ZNF469: variants seen among roughly 807,000 people sequenced by gnomAD.
ZNF469 encodes zinc finger protein 469.
Under a neutral mutation model 1.0 loss-of-function variants are expected in ZNF469, and 1 was observed. The observed-to-expected ratio is 1.00, with a 90% confidence interval of 0.35 to 4.73. ZNF469 has a LOEUF of 4.73. ZNF469 is among the 30% of genes most tolerant of loss of function. The pLI, the probability that ZNF469 is intolerant of heterozygous loss-of-function variation, is 0.16. For missense variants in ZNF469, 6,100 were observed against 5,356.3 expected (o/e 1.14, Z -4.33); for synonymous variants, 2,703 against 2,363.4 (o/e 1.14, Z -4.17).
At chr16:88,317,932 G>A in the ZNF469 span, among the ~76,000 whole-genome samples, 1 of 152,232 alleles carries the variant, frequency 6.6e-6, no homozygotes, top group Non-Finnish European at 1.5e-5. Context: ...AGGTCTTGAG[G>A]GTGATGGTGG....
the ZNF469 span, among the ~76,000 whole-genome samples, chr16:88,247,279 AAATGAGTGAGCGAGTG>A: frequency 2.8e-5 from 4 of 141,748 alleles, no homozygotes; most frequent in African/African-American, 8.2e-5. Context: ...GTGAGTGAGT[AAATGAGTGAGCGAGTG>A]AATGAGTGAG....
chr16:88,185,155 T>C, the ZNF469 span, among the ~76,000 whole-genome samples: 1 of 36,096 alleles, frequency 2.8e-5, no homozygotes, highest in Non-Finnish European at 9.4e-5. Flanking sequence ...ACACTCACAC[T>C]CACAGGCACA....
the ZNF469 span, among the ~76,000 whole-genome samples, chr16:88,154,843 G>A: frequency 6.6e-6 from 1 of 152,184 alleles, no homozygotes; most frequent in South Asian, 2.1e-4. Flanking sequence ...TTAAGCCTGG[G>A]TCTTCTCGCT....
the ZNF469 span, among the ~76,000 whole-genome samples, chr16:88,214,080 C>T: frequency 6.6e-6 from 1 of 152,176 alleles, no homozygotes; most frequent in South Asian, 2.1e-4. Flanking sequence ...GAAGTCACAA[C>T]CCCTGTCCTC....
the ZNF469 span, among the ~76,000 whole-genome samples, chr16:88,201,331 G>A: frequency 6.6e-6 from 1 of 152,182 alleles, no homozygotes; most frequent in Non-Finnish European, 1.5e-5. The surrounding 1 kb of genome is among the most constrained non-coding windows in gnomAD (Gnocchi z 5.0). Context: ...AAGGCAGGTG[G>A]ATCACCTGAG....
chr16:88,139,368 A>G, the ZNF469 span, among the ~76,000 whole-genome samples: 1 of 151,444 alleles, frequency 6.6e-6, no homozygotes, highest in African/African-American at 2.4e-5. Context: ...AATTGCTGTG[A>G]AAAGTGGATC....
At chr16:88,243,932 AT>A in the ZNF469 span, among the ~76,000 whole-genome samples, 15 of 103,954 alleles carry the variant, frequency 1.4e-4, 1 homozygote, top group Non-Finnish European at 2.7e-4. Context: ...ATATATATAT[AT>A]ATATATATAT....
At chr16:88,127,595 T>C in the ZNF469 span, among the ~76,000 whole-genome samples, 1 of 152,146 alleles carries the variant, frequency 6.6e-6, no homozygotes, top group Non-Finnish European at 1.5e-5. Flanking sequence ...AACCATTTGT[T>C]GAGAGTGGAA....
chr16:88,431,239 G>A lies in ZNF469; in HGVS notation c.3769G>A (p.Gly1257Arg), dbSNP rs1376366602. The part of the protein sequence containing the change: ...SPPAACAGEM[G>R]ASPGLLIPEQ... ...TCCAGCCGCCTGTGCGGGAGAAATG[G>A]GAGCAAGCCCCGGTCTCCTGATACC... The change falls in exon 3 of 3, where the codon GGA becomes AGA. Residue 1257 changes from glycine to arginine, a missense_variant. Coordinates refer to ENST00000565624, the MANE Select transcript of ZNF469 (RefSeq NM_001367624.2). 1 of 1,550,398 alleles carries A rather than the reference G, an allele frequency of 6.4e-7. No homozygotes were observed.
the ZNF469 span, among the ~76,000 whole-genome samples, chr16:88,181,457 A>T: frequency 1.3e-5 from 2 of 152,256 alleles, no homozygotes; most frequent in Non-Finnish European, 2.9e-5. Context: ...AACAAATTTT[A>T]AAAAGTGAAG....
At chr16:88,336,741 C>T in the ZNF469 span, among the ~76,000 whole-genome samples, 1 of 152,282 alleles carries the variant, frequency 6.6e-6, no homozygotes, top group Admixed American at 6.5e-5. Flanking sequence ...CAGACTCATC[C>T]TTCACATGTG....
chr16:88,436,265 C>G lies in ZNF469; in HGVS notation c.8795C>G (p.Ala2932Gly). The change falls in exon 3 of 3, where the codon GCA (alanine) becomes GGA (glycine). Residue 2932 changes from alanine to glycine, a missense_variant. Ala to Gly is a moderately conservative substitution (Grantham distance 60). Transcript: ENST00000565624. ...GACCCGTGGGAGGACGAGGATCCCG[C>G]AGGTCTGCCCGAGTCCTTCCTCCTG... is the stretch of plus-strand genomic sequence containing the variant. ...HEDPWEDEDP[A>G]GLPESFLLDG... 6.5e-7 allele frequency: 1 copy of G among 1,549,946 alleles called. No homozygotes were observed. The highest frequency in any genetic ancestry group is 8.7e-7 in the Non-Finnish European group (1 of 1,146,888).
At chr16:88,139,529 G>C in the ZNF469 span, among the ~76,000 whole-genome samples, 1 of 151,308 alleles carries the variant, frequency 6.6e-6, no homozygotes, top group Admixed American at 6.6e-5. Flanking sequence ...CTTGGCCTGG[G>C]GACGTGATGA....
chr16:88,209,311 G>C, the ZNF469 span, among the ~76,000 whole-genome samples: 1 of 150,648 alleles, frequency 6.6e-6, no homozygotes, highest in African/African-American at 2.4e-5. Flanking sequence ...TTTCTTTTGA[G>C]ATGGAGTCTT....
chr16:88,201,860 C>T, the ZNF469 span, among the ~76,000 whole-genome samples: 1 of 152,200 alleles, frequency 6.6e-6, no homozygotes, highest in Non-Finnish European at 1.5e-5. The surrounding 1 kb of genome is among the most constrained non-coding windows in gnomAD (Gnocchi z 5.0). Flanking sequence ...GCTCTGAACC[C>T]TATCATTTGT....
Position 88,429,908 on chromosome 16 carries a change from G to A in ZNF469, c.2438G>A (p.Arg813Lys), listed in dbSNP as rs1034029459. The change falls in exon 3 of 3, where the codon AGG (arginine) becomes AAG (lysine). Residue 813 changes from arginine to lysine, a missense_variant. By Grantham distance (26) the Arg-to-Lys change is conservative. Coordinates refer to ENST00000565624, the MANE Select transcript of ZNF469 (RefSeq NM_001367624.2). Reference protein sequence around the residue: ...AQAEGKDDPLRTGFLPSLAAT... With the variant: ...AQAEGKDDPLKTGFLPSLAAT... ...GCCGAGGGCAAAGACGACCCCCTGAGGACAGGCTTCCTGCCCAGCCTGGCC... is the reference window on the plus strand; with the variant it reads ...GCCGAGGGCAAAGACGACCCCCTGAAGACAGGCTTCCTGCCCAGCCTGGCC... 5 of 1,550,234 alleles carry A rather than the reference G, an allele frequency of 3.2e-6. No homozygotes were observed. Among genetic ancestry groups the A allele is most frequent in the African/African-American group, 1.4e-5 (1 of 73,170 alleles).
chr16:88,188,218 C>G, the ZNF469 span, among the ~76,000 whole-genome samples: 1 of 152,088 alleles, frequency 6.6e-6, no homozygotes, highest in Non-Finnish European at 1.5e-5. Flanking sequence ...CGTCTCACCT[C>G]TCCTGTGACA....
At chr16:88,149,438 G>A in the ZNF469 span, among the ~76,000 whole-genome samples, 3 of 152,254 alleles carry the variant, frequency 2.0e-5, no homozygotes, top group African/African-American at 7.2e-5. Flanking sequence ...GTCGGCCCCC[G>A]CCTCTCCTGC....
In ZNF469 at chr16:88,431,237, TG is replaced by T; in HGVS notation, c.3770del (p.Gly1257GlufsTer7). 1 of 1,550,306 alleles carries T rather than the reference TG, an allele frequency of 6.5e-7. No homozygotes were observed. Among genetic ancestry groups the T allele is most frequent in the Non-Finnish European group, 8.7e-7 (1 of 1,146,946 alleles). On this transcript the variant is annotated frameshift_variant, in exon 3 of 3. Coordinates refer to ENST00000565624, the MANE Select transcript of ZNF469 (RefSeq NM_001367624.2). LOFTEE classifies it low-confidence loss of function (END_TRUNC). ...CCTCCAGCCGCCTGTGCGGGAGAAATGGGAGCAAGCCCCGGTCTCCTGATAC... is the reference window on the plus strand; with the variant it reads ...CCTCCAGCCGCCTGTGCGGGAGAAATGGAGCAAGCCCCGGTCTCCTGATAC... Reference protein sequence around the residue: ...RSPPAACAGEMGASPGLLIPE... With the variant: ...RSPPAACAGEXGASPGLLIPE...
Sources: gnomAD v4.1 joint callset for allele counts (sites outside exome capture counted in the v4.1 genomes callset) on GRCh38, gnomAD v4.1.1 for gene constraint, Gnocchi (gnomAD v3.1) non-coding constraint, MANE v1.5 for transcripts, NCBI Gene and HGNC (gene_info 2026-07-23, HGNC 2026-07-21) for gene names.